Variants in THAP5 observed in about 807,000 individuals in gnomAD.
THAP5 encodes the protein THAP domain containing 5.
THAP5 carries 26 observed loss-of-function variants against 34.0 expected under a neutral mutation model. That is an observed-to-expected ratio of 0.77 (90% CI 0.56 to 1.06). THAP5 has a LOEUF of 1.06. Ranked by LOEUF, THAP5 falls within the 50% of genes least tolerant of loss-of-function variation. The pLI is 0.00. For synonymous variants in THAP5, 125 were observed against 153.0 expected (o/e 0.82, Z 1.35); for missense variants, 394 against 452.8 (o/e 0.87, Z 1.18).
intron 1 of THAP5, among the ~76,000 whole-genome samples, chr7:108,556,993 C>T (rs1864391044): frequency 6.6e-6 from 1 of 152,242 alleles, no homozygotes; most frequent in Non-Finnish European, 1.5e-5. Flanking sequence ...CCCAACACCA[C>T]ATGGAAGCTG....
chr7:108,569,421 C>T (rs1442265402), intron 1 of THAP5, 69 bp downstream of exon 1: 2 of 1,548,948 alleles, frequency 1.3e-6, no homozygotes, highest in Admixed American at 2.0e-5. Context: ...CAGGAGACAC[C>T]CAAGCCCAAA....
chr7:108,561,385 T>C (rs1184957519), downstream of THAP5, among the ~76,000 whole-genome samples: 1 of 150,584 alleles, frequency 6.6e-6, no homozygotes, highest in Non-Finnish European at 1.5e-5. Context: ...CACCTCAGAC[T>C]CCTGAGTAGC....
At chr7:108,549,322 G>A in the THAP5 span, among the ~76,000 whole-genome samples, 8 of 152,090 alleles carry the variant, frequency 5.3e-5, no homozygotes, top group East Asian at 3.9e-4. Context: ...GGGTTTCACC[G>A]TATTGGCCAG....
downstream of THAP5, among the ~76,000 whole-genome samples, chr7:108,549,592 T>A (rs557566663): frequency 1.4e-4 from 22 of 152,282 alleles, no homozygotes; most frequent in South Asian, 4.6e-3. Context: ...CCAATATACA[T>A]TGTGTAAGTG....
At chr7:108,559,629 T>C (rs1564008647), downstream of THAP5, among the ~76,000 whole-genome samples, 1 of 152,212 alleles carries the variant, frequency 6.6e-6, no homozygotes, top group African/African-American at 2.4e-5. Context: ...AACAAATACC[T>C]GAGACTGAGT....
chr7:108,561,786 T>C (rs892981180), downstream of THAP5, among the ~76,000 whole-genome samples: 7 of 152,190 alleles, frequency 4.6e-5, no homozygotes, highest in Non-Finnish European at 1.0e-4. Flanking sequence ...GTGATTTTTT[T>C]CTATTCTACC....
rs1290441010 is a variant in THAP5, at chr7:108,563,361, A to C, written c.*830T>G. 1.3e-5 allele frequency: 2 copies of C among 152,032 alleles called. No homozygotes were observed. Among genetic ancestry groups the C allele is most frequent in the African/African-American group, 4.8e-5 (2 of 41,370 alleles). The allele number at this position is 152,032 out of a possible 1,614,324, so 9.4% of individuals were successfully genotyped here. Reference sequence around the variant, plus strand: ...GAGGCCAGCCCGGCCAACATGGTGAAACCCCGTTTCTACTAAAAATACAAA... The same window carrying C: ...GAGGCCAGCCCGGCCAACATGGTGACACCCCGTTTCTACTAAAAATACAAA... On this transcript the variant is annotated 3_prime_UTR_variant, in exon 3 of 3. Coordinates refer to ENST00000415914, the MANE Select transcript of THAP5 (RefSeq NM_001130475.3).
At chr7:108,560,912 A>T (rs1401522817), downstream of THAP5, among the ~76,000 whole-genome samples, 1 of 151,854 alleles carries the variant, frequency 6.6e-6, no homozygotes, top group African/African-American at 2.4e-5. Context: ...TAATTTTTAA[A>T]TTTTTTGTAG....
chr7:108,554,581 TTTACA>T (rs1467028722), exon 2 of THAP5: 1 of 152,198 alleles, frequency 6.6e-6, no homozygotes, highest in African/African-American at 2.4e-5. Flanking sequence ...TGTTAAGTTT[TTTACA>T]TTACTAGTAT....
At chr7:108,546,431 T>G in the THAP5 span, among the ~76,000 whole-genome samples, 1 of 152,210 alleles carries the variant, frequency 6.6e-6, no homozygotes, top group African/African-American at 2.4e-5. Flanking sequence ...ATATTTGAAC[T>G]GGTTCTTCAG....
chr7:108,546,682 G>A, the THAP5 span, among the ~76,000 whole-genome samples: 3 of 152,068 alleles, frequency 2.0e-5, no homozygotes, highest in African/African-American at 4.8e-5. Context: ...TAGTGCTGTC[G>A]CCTCACTTAG....
chr7:108,547,761 G>A, the THAP5 span, among the ~76,000 whole-genome samples: 2 of 152,142 alleles, frequency 1.3e-5, no homozygotes, highest in African/African-American at 4.8e-5. Flanking sequence ...TGTTGTTTGT[G>A]TATTAACCTG....
rs549818055 is a variant in THAP5 at position 108,564,104 on chromosome 7, T to A, written c.*87A>T. The A allele has an allele frequency of 9.1e-7, 1 of 1,102,844 alleles. No individual in the cohort carries two copies. The highest frequency in any genetic ancestry group is 1.7e-5 in the South Asian group (1 of 58,572). The allele number at this position is 1,102,844 out of a possible 1,614,324, so 68.3% of individuals were successfully genotyped here. A position where few individuals can be genotyped will look rare whatever the true frequency, so the allele number is the denominator to read the frequency against. On this transcript the variant is annotated 3_prime_UTR_variant, in exon 3 of 3. Transcript: ENST00000415914. ...TCATAGGTTCATTAAGATGAGAACTTTATACAGGAAACAGTTCACTTTACA... is the reference window on the plus strand; with the variant it reads ...TCATAGGTTCATTAAGATGAGAACTATATACAGGAAACAGTTCACTTTACA...
intron 2 of THAP5, chr7:108,565,501 G>C (rs1224640090): frequency 1.1e-5 from 2 of 186,506 alleles, no homozygotes; most frequent in African/African-American, 4.7e-5. Flanking sequence ...CCAGGAGGCA[G>C]AGGTTGCAGT....
At chr7:108,542,738 C>T in the THAP5 span, among the ~76,000 whole-genome samples, 2 of 152,140 alleles carry the variant, frequency 1.3e-5, no homozygotes, top group Non-Finnish European at 2.9e-5. Context: ...GCTGGGATTA[C>T]AGGCGTGAGC....
chr7:108,558,385 A>ATATATATG (rs1864402296), downstream of THAP5, among the ~76,000 whole-genome samples: 1 of 63,444 alleles, frequency 1.6e-5, no homozygotes, highest in Non-Finnish European at 2.8e-5. Flanking sequence ...GTGTATGTAT[A>ATATATATG]TATATATATA....
chr7:108,566,097 T>C, intron 1 of THAP5, 75 bp from the exon 2 acceptor site: 1 of 1,276,178 alleles, frequency 7.8e-7, no homozygotes, highest in Non-Finnish European at 1.1e-6. Context: ...ATTCCCACCC[T>C]ATATATCTGG....
At chr7:108,556,075 G>A (rs1397418811) in intron 1 of THAP5, among the ~76,000 whole-genome samples, 3 of 152,236 alleles carry the variant, frequency 2.0e-5, no homozygotes, top group African/African-American at 4.8e-5. Context: ...ACCAGATCTC[G>A]TGAAAACTCA....
chr7:108,559,686 C>T (rs1414285783), downstream of THAP5, among the ~76,000 whole-genome samples: 2 of 152,120 alleles, frequency 1.3e-5, no homozygotes, highest in South Asian at 2.1e-4. Flanking sequence ...TTCTGCATGG[C>T]TAGGGAGGCC....
Sources: gnomAD v4.1 joint callset for allele counts (sites outside exome capture counted in the v4.1 genomes callset) on GRCh38, gnomAD v4.1.1 for gene constraint, MANE v1.5 for transcripts, NCBI Gene and HGNC (gene_info 2026-07-23, HGNC 2026-07-21) for gene names.